Variants in EPHA5 observed in about 807,000 individuals in gnomAD.
EPHA5 encodes ephrin type-A receptor 5.
A neutral mutation model predicts 105.0 loss-of-function variants in EPHA5; 60 were observed. The ratio of observed to expected loss-of-function variants is 0.57; its 90% CI spans 0.46 to 0.71. The LOEUF is 0.71. EPHA5 is among the 30% of genes least tolerant of loss of function. The probability of loss-of-function intolerance (pLI) is 0.00; values close to 1 mark genes in which losing one functional copy is unlikely to be tolerated. For missense variants in EPHA5, 1,218 were observed against 1,274.7 expected, an observed-to-expected ratio of 0.96 and a Z score of 0.68; for synonymous variants, 513 against 449.1, an observed-to-expected ratio of 1.14 and a Z score of -1.80.
intron 14 of EPHA5, among the ~76,000 whole-genome samples, chr4:65,341,335 T>G (rs1721697396): frequency 6.6e-6 from 1 of 151,986 alleles, no homozygotes; most frequent in Non-Finnish European, 1.5e-5. Context: ...GATTCACAAA[T>G]TAAGTATTTT....
intron 5 of EPHA5, among the ~76,000 whole-genome samples, chr4:65,486,190 T>G (rs538307351): frequency 6.6e-6 from 1 of 152,254 alleles, no homozygotes; most frequent in African/African-American, 2.4e-5. Context: ...ATCTTCTCAT[T>G]ACTGGTTCCC....
chr4:65,589,369 T>C (rs1742421044), intron 3 of EPHA5, among the ~76,000 whole-genome samples: 1 of 152,170 alleles, frequency 6.6e-6, no homozygotes, highest in African/African-American at 2.4e-5. Flanking sequence ...GCTGTTAGTC[T>C]GTGTGGGCCT....
intron 5 of EPHA5, among the ~76,000 whole-genome samples, chr4:65,475,156 G>A (rs1729669042): frequency 6.6e-6 from 1 of 152,024 alleles, no homozygotes. Context: ...ATTCATTTCT[G>A]TTTTATTTTA....
At chr4:65,562,572 G>C (rs554807295) in intron 3 of EPHA5, among the ~76,000 whole-genome samples, 1 of 152,152 alleles carries the variant, frequency 6.6e-6, no homozygotes, top group Admixed American at 6.6e-5. Context: ...GTTTGCAACT[G>C]TATATCCATG....
chr4:65,431,745 A>G (rs1724999156), intron 5 of EPHA5, among the ~76,000 whole-genome samples: 1 of 152,188 alleles, frequency 6.6e-6, no homozygotes, highest in South Asian at 2.1e-4. Flanking sequence ...AAAGTATTAG[A>G]TATCACAGAT....
chr4:65,382,091 A>C (rs1329617067), intron 8 of EPHA5, among the ~76,000 whole-genome samples: 1 of 151,826 alleles, frequency 6.6e-6, no homozygotes, highest in Non-Finnish European at 1.5e-5. Flanking sequence ...TACAAATCTA[A>C]GTGTCTCCTG....
At chr4:65,482,417 A>T (rs547169669) in intron 5 of EPHA5, among the ~76,000 whole-genome samples, 257 of 152,310 alleles carry the variant, frequency 1.7e-3, no homozygotes, top group Middle Eastern at 3.4e-3. Flanking sequence ...TCTTTAAAAA[A>T]ACTCTATAAT....
chr4:65,362,065 C>CT (rs1220908694), intron 11 of EPHA5, among the ~76,000 whole-genome samples: 2 of 151,498 alleles, frequency 1.3e-5, no homozygotes, highest in South Asian at 2.1e-4. Flanking sequence ...GAACTGTGGG[C>CT]TTTTTTTATG....
chr4:65,407,082 T>A (rs1722434236), intron 7 of EPHA5, among the ~76,000 whole-genome samples: 1 of 152,160 alleles, frequency 6.6e-6, no homozygotes, highest in African/African-American at 2.4e-5. Flanking sequence ...AACTGTTCTC[T>A]CAGCCTTCTA....
At position 65,669,692 on chromosome 4, in the gene EPHA5, G is replaced by T; in HGVS notation, c.51C>A (p.Gly17=). 7.6e-7 allele frequency: 1 copy of T among 1,309,368 alleles called. No individual in the cohort carries two copies. 81.1% of individuals were successfully genotyped at this position (1,309,368 alleles called of 1,614,324 possible). A position where few individuals can be genotyped will look rare whatever the true frequency, so the allele number is the denominator to read the frequency against. ...CTGGGGTGATGGGGGTGTCGCCGCC[G>T]CCGCTTGGGGGCCGCCGGCGTCCCG... ...RGAGRRRPPS[G]GGDTPITPAS... Residue 17 remains glycine (G), a synonymous_variant, in exon 1 of 17, where the codon GGC becomes GGA. Transcript: ENST00000613740.
intron 8 of EPHA5, among the ~76,000 whole-genome samples, chr4:65,399,765 T>G (rs530714178): frequency 1.3e-5 from 2 of 152,346 alleles, no homozygotes; most frequent in East Asian, 3.9e-4. Flanking sequence ...TCTGCATGCT[T>G]GAAATTTAAT....
chr4:65,455,210 G>C (rs1268783135), intron 5 of EPHA5, among the ~76,000 whole-genome samples: 1 of 151,858 alleles, frequency 6.6e-6, no homozygotes, highest in African/African-American at 2.4e-5. Flanking sequence ...TCCAGCCTGG[G>C]AGACAGAGAG....
At chr4:65,348,905 T>G (rs1722552648) in intron 13 of EPHA5, among the ~76,000 whole-genome samples, 1 of 133,836 alleles carries the variant, frequency 7.5e-6, no homozygotes, top group Non-Finnish European at 1.5e-5. Context: ...AACCCCCACC[T>G]CCCAGGTTCA....
intron 1 of EPHA5, among the ~76,000 whole-genome samples, chr4:65,652,036 G>A (rs1013703709): frequency 4.6e-5 from 7 of 152,050 alleles, no homozygotes; most frequent in African/African-American, 1.7e-4. Context: ...AACCAAACTT[G>A]TATAATCTTA....
chr4:65,379,532 GT>G (rs1475909875), intron 8 of EPHA5, among the ~76,000 whole-genome samples: 1 of 151,560 alleles, frequency 6.6e-6, no homozygotes, highest in African/African-American at 2.4e-5. Flanking sequence ...AAAAATAGAT[GT>G]TTTCTCATAG....
At chr4:65,554,670 C>T (rs1337557240) in intron 3 of EPHA5, among the ~76,000 whole-genome samples, 4 of 151,700 alleles carry the variant, frequency 2.6e-5, no homozygotes, top group Admixed American at 6.6e-5. Flanking sequence ...CTGTGTGTGG[C>T]CAATGAATGT....
intron 5 of EPHA5, among the ~76,000 whole-genome samples, chr4:65,431,342 A>T (rs1317295768): frequency 6.6e-6 from 1 of 152,206 alleles, no homozygotes; most frequent in Admixed American, 6.5e-5. Context: ...ATTTAAAATT[A>T]TGTATGTATA....
chr4:65,492,817 G>A (rs1433606964), intron 4 of EPHA5, among the ~76,000 whole-genome samples: 1 of 152,040 alleles, frequency 6.6e-6, no homozygotes, highest in African/African-American at 2.4e-5. Context: ...TAATGGGATT[G>A]CTGGGTTAAA....
chr4:65,376,912 A>G (rs549241084), intron 8 of EPHA5: 1 of 1,233,408 alleles, frequency 8.1e-7, no homozygotes, highest in South Asian at 1.9e-5. Flanking sequence ...ACTCAAATGT[A>G]CACAAATGGA....
Sources: allele counts gnomAD v4.1 joint callset (sites outside exome capture counted in the v4.1 genomes callset), GRCh38; gene constraint gnomAD v4.1.1; transcripts MANE v1.5; gene names NCBI Gene and HGNC (gene_info 2026-07-23, HGNC 2026-07-21).